ADAM12: variants seen among roughly 807,000 people sequenced by gnomAD.
ADAM12 encodes the protein disintegrin and metalloproteinase domain-containing protein 12.
A neutral mutation model predicts 106.4 loss-of-function variants in ADAM12; 70 were observed. That is an observed-to-expected ratio of 0.66 (90% CI 0.54 to 0.80). The LOEUF is 0.80. Ranked by LOEUF, ADAM12 falls within the 30% of genes least tolerant of loss-of-function variation. The pLI, the probability that ADAM12 is intolerant of heterozygous loss-of-function variation, is 0.00. For missense variants in ADAM12, 1,010 were observed against 1,171.9 expected, an observed-to-expected ratio of 0.86 and a Z score of 2.02; for synonymous variants, 420 against 433.5, an observed-to-expected ratio of 0.97 and a Z score of 0.39.
intron 3 of ADAM12, among the ~76,000 whole-genome samples, chr10:126,266,646 A>G (rs2133723640): frequency 6.6e-6 from 1 of 152,274 alleles, no homozygotes; most frequent in South Asian, 2.1e-4. Context: ...TTTAAGAAGA[A>G]AAGAGGTTTA....
intron 4 of ADAM12, 83 bp downstream of exon 4, chr10:126,155,144 T>G (rs2075380281): frequency 1.4e-6 from 2 of 1,477,010 alleles, no homozygotes; most frequent in Non-Finnish European, 1.9e-6. Context: ...GGCATGTGAT[T>G]TTGCTCCGAA....
At chr10:126,090,513 T>C (rs1011862889) in intron 11 of ADAM12, among the ~76,000 whole-genome samples, 1 of 152,178 alleles carries the variant, frequency 6.6e-6, no homozygotes, top group Non-Finnish European at 1.5e-5. Flanking sequence ...CCAAGCTCAT[T>C]AATGGATAAA....
chr10:126,312,167 C>T (rs1961135985), intron 2 of ADAM12, among the ~76,000 whole-genome samples: 1 of 149,594 alleles, frequency 6.7e-6, no homozygotes, highest in Non-Finnish European at 1.5e-5. Context: ...CGTTTGGTGA[C>T]CAGAAGTGAA....
intron 7 of ADAM12, 27 bp downstream of exon 7, chr10:126,109,748 T>C: frequency 6.2e-7 from 1 of 1,600,978 alleles, no homozygotes; most frequent in Non-Finnish European, 8.5e-7. Flanking sequence ...TAACCAACCA[T>C]ACTGAGAAAT....
intron 1 of ADAM12, among the ~76,000 whole-genome samples, chr10:126,332,456 G>A (rs1472613345): frequency 6.6e-6 from 1 of 152,200 alleles, no homozygotes. Context: ...CAGAAGTGCT[G>A]TGAAACAGCA....
intron 5 of ADAM12, among the ~76,000 whole-genome samples, chr10:126,127,431 G>T (rs1956224027): frequency 2.0e-5 from 3 of 152,236 alleles, no homozygotes; most frequent in Admixed American, 2.0e-4. Context: ...TGACCTTTGG[G>T]AGGGCACATC....
chr10:126,310,849 C>T (rs1216343309), intron 2 of ADAM12, among the ~76,000 whole-genome samples: 1 of 151,868 alleles, frequency 6.6e-6, no homozygotes, highest in Non-Finnish European at 1.5e-5. Flanking sequence ...GAGAATGGGA[C>T]CAAAATATGA....
intron 3 of ADAM12, among the ~76,000 whole-genome samples, chr10:126,155,589 G>A (rs777182263): frequency 6.6e-6 from 1 of 151,942 alleles, no homozygotes; most frequent in African/African-American, 2.4e-5. Flanking sequence ...TCCTTCATGC[G>A]CACACTGGGT....
chr10:126,091,998 G>A (rs1285520399), intron 11 of ADAM12, among the ~76,000 whole-genome samples: 1 of 152,148 alleles, frequency 6.6e-6, no homozygotes, highest in Admixed American at 6.5e-5. Flanking sequence ...TCTTATTGAT[G>A]AGGAATGTAA....
At position 126,051,588 on chromosome 10, in the gene ADAM12, T is replaced by TCCATCCATCCAGCCAG. The variant is rs1281562847; in HGVS notation, c.1610-1920_1610-1919insCTGGCTGGATGGATGG. On this transcript the variant is annotated intron_variant, in intron 14 of 22. Coordinates refer to ENST00000448723, the MANE Select transcript of ADAM12 (RefSeq NM_001288973.2). Reference sequence around the variant, plus strand: ...ATCCATCCATCCATCCATCCATCCATCCAGCCAGCCAGCCACCTGTCCATC... The same window carrying TCCATCCATCCAGCCAG: ...ATCCATCCATCCATCCATCCATCCATCCATCCATCCAGCCAGCCAGCCAGCCAGCCACCTGTCCATC... Among the ~76,000 whole-genome samples, 23 of 124,398 alleles carry TCCATCCATCCAGCCAG rather than the reference T, an allele frequency of 1.8e-4. No individual in the cohort carries two copies. The South Asian group carries it at 2.3e-3, about 13-fold the overall frequency. The allele number at this position is 124,398 out of a possible 152,430, so 81.6% of individuals were successfully genotyped here.
intron 14 of ADAM12, among the ~76,000 whole-genome samples, chr10:126,059,132 T>A (rs1020980826): frequency 6.6e-6 from 1 of 152,262 alleles, no homozygotes; most frequent in African/African-American, 2.4e-5. Context: ...CTATAACTTA[T>A]ATTTGTAATT....
At position 126,026,181 on chromosome 10, in the gene ADAM12, A is replaced by G. The variant is rs114971931; in HGVS notation, c.2530-6356T>C. Among the ~76,000 whole-genome samples the G allele has an allele frequency of 2.0e-3, 303 of 152,342 alleles. 1 individual carries two copies. Among genetic ancestry groups the G allele is most frequent in the African/African-American group, 7.0e-3 (293 of 41,586 alleles). The stretch of plus-strand genomic sequence containing the variant: ...AGGCAAATGGAAAACAGAAAAAAGT[A>G]GGGGTTGCAATCCTAGTTTCTGACA... On this transcript the variant is annotated intron_variant, in intron 21 of 22. Transcript: ENST00000448723.
At chr10:126,050,752 A>G (rs1448801943) in intron 14 of ADAM12, among the ~76,000 whole-genome samples, 4 of 152,192 alleles carry the variant, frequency 2.6e-5, no homozygotes, top group African/African-American at 9.7e-5. Context: ...ACTAGCAGAC[A>G]TGATCATCTC....
chr10:126,021,220 C>T (rs1953761232), intron 21 of ADAM12, among the ~76,000 whole-genome samples: 1 of 152,116 alleles, frequency 6.6e-6, no homozygotes, highest in Non-Finnish European at 1.5e-5. Flanking sequence ...GGTGCTAGAA[C>T]CTCCAGGGAG....
At chr10:126,139,861 CAT>C (rs1314598573) in intron 4 of ADAM12, among the ~76,000 whole-genome samples, 1 of 152,176 alleles carries the variant, frequency 6.6e-6, no homozygotes, top group African/African-American at 2.4e-5. Flanking sequence ...TTTTGTGTGA[CAT>C]ATATTTTGAA....
At chr10:126,321,904 TC>T (rs374984808) in intron 2 of ADAM12, among the ~76,000 whole-genome samples, 91 of 88,776 alleles carry the variant, frequency 1.0e-3, no homozygotes, top group Non-Finnish European at 1.5e-3. Context: ...TACCTGGGGG[TC>T]GGGGGGGGGG....
chr10:126,300,725 G>A (rs1185802738), intron 2 of ADAM12, among the ~76,000 whole-genome samples: 2 of 152,000 alleles, frequency 1.3e-5, no homozygotes, highest in Non-Finnish European at 2.9e-5. Context: ...CCCTACTGGA[G>A]AATAAAATCC....
rs530503023 is a variant in ADAM12 at position 126,065,622 on chromosome 10, G to A, written c.1414-621C>T. Among the ~76,000 whole-genome samples the A allele has an allele frequency of 1.5e-3, 223 of 152,218 alleles. 1 individual carries two copies. The highest frequency in any genetic ancestry group is 4.8e-3 in the African/African-American group (201 of 41,544). ...AAGAAATTAAGGCTCAGAGTAGCCCGTCTGAGGCTACACAGCTAGGGAACC... is the reference window on the plus strand; with the variant it reads ...AAGAAATTAAGGCTCAGAGTAGCCCATCTGAGGCTACACAGCTAGGGAACC... On this transcript the variant is annotated intron_variant, in intron 13 of 22. Transcript: ENST00000448723.
chr10:126,059,056 CCAT>C (rs1482521853), intron 14 of ADAM12, among the ~76,000 whole-genome samples: 1 of 152,068 alleles, frequency 6.6e-6, no homozygotes, highest in Non-Finnish European at 1.5e-5. Flanking sequence ...AATTTTGATA[CCAT>C]ACTATATTTT....
Sources: allele counts gnomAD v4.1 joint callset (sites outside exome capture counted in the v4.1 genomes callset), GRCh38; gene constraint gnomAD v4.1.1; transcripts MANE v1.5; gene names NCBI Gene and HGNC (gene_info 2026-07-23, HGNC 2026-07-21).